The following NR6A1 variants were observed in gnomAD, a reference collection of about 807,000 sequenced individuals.
The protein encoded by NR6A1 is nuclear receptor subfamily 6 group A member 1.
Under a neutral mutation model 59.1 loss-of-function variants are expected in NR6A1, and 7 were observed. The ratio of observed to expected loss-of-function variants is 0.12; its 90% CI spans 0.07 to 0.22. The LOEUF (loss-of-function observed/expected upper bound fraction) is 0.22. NR6A1 is among the 10% of genes least tolerant of loss of function. NR6A1 has a pLI of 1.00. For synonymous variants in NR6A1, 243 were observed against 236.1 expected (o/e 1.03, Z -0.27); for missense variants, 468 against 611.6 (o/e 0.77, Z 2.48).
At chr9:124,678,278 T>A (rs1000157361) in intron 2 of NR6A1, among the ~76,000 whole-genome samples, 2 of 152,164 alleles carry the variant, frequency 1.3e-5, no homozygotes, top group African/African-American at 2.4e-5. Context: ...ACATACAAAT[T>A]AAAAGAGAAC....
intron 2 of NR6A1, among the ~76,000 whole-genome samples, chr9:124,641,046 T>C (rs1192997034): frequency 6.6e-6 from 1 of 152,154 alleles, no homozygotes; most frequent in Non-Finnish European, 1.5e-5. Context: ...CCCCATTTTA[T>C]AGATAATAAA....
intron 2 of NR6A1, among the ~76,000 whole-genome samples, chr9:124,706,202 T>C (rs774855170): frequency 5.9e-5 from 9 of 152,252 alleles, no homozygotes; most frequent in Non-Finnish European, 1.2e-4. Flanking sequence ...TTATCCAACA[T>C]ACCTCCTATC....
intron 2 of NR6A1, among the ~76,000 whole-genome samples, chr9:124,627,892 T>C (rs796849480): frequency 4.6e-5 from 6 of 131,030 alleles, no homozygotes; most frequent in African/African-American, 2.0e-4. Context: ...CTTTTTTTTT[T>C]TTTTTTTTTT....
At chr9:124,609,584 G>GTA (rs1313495656) in intron 2 of NR6A1, among the ~76,000 whole-genome samples, 1 of 152,016 alleles carries the variant, frequency 6.6e-6, no homozygotes, top group African/African-American at 2.4e-5. Context: ...ATTGTCTTGG[G>GTA]TATATTGGCT....
At chr9:124,659,377 C>A (rs1837360346) in intron 2 of NR6A1, among the ~76,000 whole-genome samples, 1 of 152,190 alleles carries the variant, frequency 6.6e-6, no homozygotes, top group Non-Finnish European at 1.5e-5. Flanking sequence ...CCCAGCTCCG[C>A]TTTGTGCAAT....
chr9:124,742,519 C>T (rs1840202623), intron 1 of NR6A1, among the ~76,000 whole-genome samples: 2 of 151,952 alleles, frequency 1.3e-5, no homozygotes, highest in Non-Finnish European at 2.9e-5. Flanking sequence ...GAGATCGCAC[C>T]ACTGCACTCC....
intron 2 of NR6A1, among the ~76,000 whole-genome samples, chr9:124,600,150 T>G (rs1588700150): frequency 3.3e-5 from 5 of 152,214 alleles, no homozygotes; most frequent in Admixed American, 3.3e-4. Flanking sequence ...ATCAGGAGCA[T>G]GCAGAAAATG....
At chr9:124,650,720 T>C (rs1019138043) in intron 2 of NR6A1, among the ~76,000 whole-genome samples, 5 of 152,240 alleles carry the variant, frequency 3.3e-5, no homozygotes, top group African/African-American at 1.2e-4. Flanking sequence ...TACAATTATA[T>C]ATCAATTGAA....
intron 2 of NR6A1, among the ~76,000 whole-genome samples, chr9:124,716,781 AC>A (rs1839426902): frequency 6.6e-6 from 1 of 152,142 alleles, no homozygotes; most frequent in African/African-American, 2.4e-5. Context: ...ACAGGCAGGC[AC>A]CACCACACCC....
chr9:124,650,333 G>A (rs563854016), intron 2 of NR6A1, among the ~76,000 whole-genome samples: 2 of 152,034 alleles, frequency 1.3e-5, no homozygotes, highest in Non-Finnish European at 2.9e-5. Context: ...GCTGGGCACC[G>A]AAAGACAAAT....
At position 124,742,098 on chromosome 9, in the gene NR6A1, A is replaced by G. The variant is rs537854368; in HGVS notation, c.101-8749T>C. Among the ~76,000 whole-genome samples, 185 of 152,340 alleles carry G rather than the reference A, an allele frequency of 1.2e-3. 1 individual carries two copies. The highest frequency in any genetic ancestry group is 3.4e-3 in the Middle Eastern group (1 of 294). On this transcript the variant is annotated intron_variant, in intron 1 of 9. Coordinates refer to ENST00000487099, the MANE Select transcript of NR6A1 (RefSeq NM_033334.4). The stretch of plus-strand genomic sequence containing the variant: ...GGAATCTCAGCAGGGCCTTATCATA[A>G]AGACCTTCAACTGTCATACATGAAG...
Position 124,632,559 on chromosome 9 carries a change from T to C in NR6A1, c.143-77989A>G, listed in dbSNP as rs149023420. 6.2e-3 allele frequency among the ~76,000 whole-genome samples: 946 copies of C among 152,334 alleles called. 9 individuals carry two copies. Among genetic ancestry groups the C allele is most frequent in the Middle Eastern group, 0.031 (9 of 294 alleles). Reference sequence around the variant, plus strand: ...TTAAGTTCTTACAGATGCTGGATATTAGACCTTTGTCAGATTACTGCTTTC... The same window carrying C: ...TTAAGTTCTTACAGATGCTGGATATCAGACCTTTGTCAGATTACTGCTTTC... On this transcript the variant is annotated intron_variant, in intron 2 of 9. Transcript: ENST00000487099.
chr9:124,763,630 T>C (rs79645030), intron 1 of NR6A1, among the ~76,000 whole-genome samples: 6,034 of 152,298 alleles, frequency 0.04, 350 homozygotes, highest in African/African-American at 0.12. Context: ...ATTATTTGTT[T>C]ATAAATTTTA....
At chr9:124,553,039 A>G (rs1230881972) in intron 3 of NR6A1, among the ~76,000 whole-genome samples, 1 of 152,214 alleles carries the variant, frequency 6.6e-6, no homozygotes, top group East Asian at 1.9e-4. Context: ...CTTGCTGGGT[A>G]TTTTATATGT....
chr9:124,532,821 G>C (rs117600346), intron 7 of NR6A1, among the ~76,000 whole-genome samples: 3 of 152,186 alleles, frequency 2.0e-5, no homozygotes, highest in Non-Finnish European at 4.4e-5. Context: ...AATGTGGCTG[G>C]TGCAAATGAG....
At chr9:124,550,177 T>C (rs906247226) in intron 3 of NR6A1, among the ~76,000 whole-genome samples, 1 of 152,160 alleles carries the variant, frequency 6.6e-6, no homozygotes, top group Admixed American at 6.5e-5. Flanking sequence ...GTTTTATTGG[T>C]ACTGTTAATC....
chr9:124,528,960 T>G (rs773436336), intron 7 of NR6A1, among the ~76,000 whole-genome samples: 17 of 152,234 alleles, frequency 1.1e-4, no homozygotes, highest in Non-Finnish European at 2.2e-4. Context: ...GATTTTGGCA[T>G]CCATGGGGGT....
intron 2 of NR6A1, among the ~76,000 whole-genome samples, chr9:124,581,729 A>C (rs1834774197): frequency 6.6e-6 from 1 of 152,264 alleles, no homozygotes; most frequent in Non-Finnish European, 1.5e-5. Flanking sequence ...TCAAATTTAC[A>C]AGAAAAAAAC....
intron 2 of NR6A1, among the ~76,000 whole-genome samples, chr9:124,614,845 CCTT>C (rs1237346168): frequency 3.3e-5 from 5 of 152,182 alleles, no homozygotes; most frequent in Middle Eastern, 3.2e-3. Flanking sequence ...TTTACCATGT[CCTT>C]CTTCTTTGCA....
Sources: allele counts gnomAD v4.1 joint callset (sites outside exome capture counted in the v4.1 genomes callset), GRCh38; gene constraint gnomAD v4.1.1; transcripts MANE v1.5; gene names NCBI Gene and HGNC (gene_info 2026-07-23, HGNC 2026-07-21).